The following APC variants were observed in gnomAD, a reference collection of about 807,000 sequenced individuals.
APC encodes the protein APC regulator of Wnt signaling pathway.
APC carries 72 observed loss-of-function variants against 247.0 expected under a neutral mutation model. That is an observed-to-expected ratio of 0.29 (90% CI 0.24 to 0.35). APC has a LOEUF of 0.35. APC is among the 10% of genes least tolerant of loss of function. APC has a pLI of 1.00. For missense variants in APC, 3,400 were observed against 3,360.7 expected, an observed-to-expected ratio of 1.01 and a Z score of -0.29; for synonymous variants, 1,254 against 1,162.5, an observed-to-expected ratio of 1.08 and a Z score of -1.60.
chr5:112,807,440 T>C, intron 8 of APC, among the ~76,000 whole-genome samples: 1 of 152,238 alleles, frequency 6.6e-6, no homozygotes, highest in South Asian at 2.1e-4. Context: ...ACTATACAAC[T>C]TACTCTTGTC....
intron 7 of APC, among the ~76,000 whole-genome samples, chr5:112,796,308 G>C (rs764562295): frequency 1.3e-5 from 2 of 152,152 alleles, no homozygotes; most frequent in Admixed American, 6.5e-5. Context: ...GAGATCGGAG[G>C]GGGTGAGTAT....
In APC at chr5:112,838,934, C is replaced by A. The variant is rs121913331; in HGVS notation, c.3340C>A (p.Arg1114=). 3 of 1,613,990 alleles carry A rather than the reference C, an allele frequency of 1.9e-6. No individual in the cohort carries two copies. Among genetic ancestry groups the A allele is most frequent in the Non-Finnish European group, 2.5e-6 (3 of 1,179,984 alleles). ...SRGANGSETN[R]VGSNHGINQN... ...GGGAGCCAATGGTTCAGAAACAAAT[C>A]GAGTGGGTTCTAATCATGGAATTAA... The change falls in exon 16 of 16, where the codon CGA becomes AGA. Residue 1114 remains arginine, a synonymous_variant. Coordinates refer to ENST00000257430, the MANE Select transcript of APC (RefSeq NM_000038.6).
intron 8 of APC, among the ~76,000 whole-genome samples, chr5:112,809,248 C>T (rs1761735546): frequency 6.6e-6 from 1 of 151,346 alleles, no homozygotes; most frequent in South Asian, 2.1e-4. Flanking sequence ...GTCCCAGCTA[C>T]TTGGGAGGTT....
Position 112,845,747 on chromosome 5 carries a change from A to G in APC, c.*1621A>G, listed in dbSNP as rs779531736. 4.3e-6 allele frequency: 1 copy of G among 231,926 alleles called. No homozygotes were observed. The highest frequency in any genetic ancestry group is 8.5e-6 in the Non-Finnish European group (1 of 117,342). 14.4% of individuals were successfully genotyped at this position (231,926 alleles called of 1,614,324 possible). A position where few individuals can be genotyped will look rare whatever the true frequency, so the allele number is the denominator to read the frequency against. ...AAACTGACACTTATTAACTAAGATA[A>G]TTTACTTAATATATCTTCCCTGATT... On this transcript the variant is annotated 3_prime_UTR_variant, in exon 16 of 16. Coordinates refer to ENST00000257430, the MANE Select transcript of APC (RefSeq NM_000038.6).
At chr5:112,713,784 A>G (rs910266935) in intron 1 of APC, among the ~76,000 whole-genome samples, 4 of 152,120 alleles carry the variant, frequency 2.6e-5, no homozygotes, top group Non-Finnish European at 5.9e-5. Flanking sequence ...CTCCTGCCTC[A>G]GCCTCCCAAG....
At chr5:112,828,218 G>C (rs1207321607) in intron 13 of APC, among the ~76,000 whole-genome samples, 1 of 151,884 alleles carries the variant, frequency 6.6e-6, no homozygotes, top group African/African-American at 2.4e-5. Flanking sequence ...ATTTTTTATA[G>C]AGACGGGGTT....
intron 8 of APC, among the ~76,000 whole-genome samples, chr5:112,809,155 C>T (rs1195281134): frequency 1.3e-5 from 2 of 150,378 alleles, no homozygotes; most frequent in Non-Finnish European, 3.0e-5. Context: ...AGTTTGAGAC[C>T]AGTCTCAGCA....
chr5:112,721,469 G>A (rs1751482381), intron 1 of APC, among the ~76,000 whole-genome samples: 2 of 152,052 alleles, frequency 1.3e-5, no homozygotes, highest in African/African-American at 4.8e-5. Flanking sequence ...TGAGATTTTT[G>A]GTTAAGAATT....
rs367657396 is a variant in APC, at chr5:112,792,161, A to C, written c.646-285A>C. Among the ~76,000 whole-genome samples, 9 of 152,090 alleles carry C rather than the reference A, an allele frequency of 5.9e-5. No individual in the cohort carries two copies. The East Asian group carries it at 1.3e-3, about 23-fold the overall frequency. ...CTCGGGAGCCTGAGGCAAAAGAATC[A>C]CTTGAACCCGGAAGGCGGAGGTTGC... On this transcript the variant is annotated intron_variant, in intron 6 of 15. Coordinates refer to ENST00000257430, the MANE Select transcript of APC (RefSeq NM_000038.6).
Position 112,780,918 on chromosome 5 carries a change from T to C in APC, c.645+15T>C, listed in dbSNP as rs1346066343. On this transcript the variant is annotated intron_variant, in intron 6 of 15. Transcript: ENST00000257430. Reference sequence around the variant, plus strand: ...AACGAGCACAGGTAAGTTACTTGTTTCTAAGTGATAAAACAGCGAAGAGCT... The same window carrying C: ...AACGAGCACAGGTAAGTTACTTGTTCCTAAGTGATAAAACAGCGAAGAGCT... The C allele has an allele frequency of 1.3e-6, 2 of 1,528,408 alleles. No individual in the cohort carries two copies. The highest frequency in any genetic ancestry group is 1.8e-6 in the Non-Finnish European group (2 of 1,104,538). 94.7% of individuals were successfully genotyped at this position (1,528,408 alleles called of 1,614,324 possible).
At chr5:112,807,582 A>G (rs967384925) in intron 8 of APC, among the ~76,000 whole-genome samples, 1 of 151,784 alleles carries the variant, frequency 6.6e-6, no homozygotes, top group Non-Finnish European at 1.5e-5. Flanking sequence ...GAAATTTAGA[A>G]CCAGGTCTCT....
At chr5:112,708,000 T>C in intron 1 of APC, 1 of 1,048,046 alleles carries the variant, frequency 9.5e-7, no homozygotes, top group Non-Finnish European at 1.2e-6. Flanking sequence ...TCTCTCCATG[T>C]CTCACCCTCT....
chr5:112,721,229 C>A (rs1751464816), intron 1 of APC, among the ~76,000 whole-genome samples: 1 of 152,024 alleles, frequency 6.6e-6, no homozygotes, highest in African/African-American at 2.4e-5. Context: ...GCCTGGCCAA[C>A]ATAGTGAAAC....
chr5:112,822,050 G>A (rs1580543231), intron 11 of APC, 59 bp downstream of exon 11: 4 of 1,149,338 alleles, frequency 3.5e-6, no homozygotes, highest in Admixed American at 3.7e-5. Context: ...TTAAATCATG[G>A]TAGAAATTCA....
chr5:112,718,214 T>C (rs17134873), intron 1 of APC, among the ~76,000 whole-genome samples: 4,373 of 152,160 alleles, frequency 0.029, 205 homozygotes, highest in African/African-American at 0.1. Flanking sequence ...ATAATTCCAA[T>C]GTTGGGAAGT....
intron 1 of APC, among the ~76,000 whole-genome samples, chr5:112,710,992 A>G (rs1750816191): frequency 6.6e-6 from 1 of 152,220 alleles, no homozygotes; most frequent in South Asian, 2.1e-4. Context: ...TTTAAAAGTT[A>G]TCTGTGACCT....
At chr5:112,800,458 TC>T (rs1335027005) in intron 7 of APC, among the ~76,000 whole-genome samples, 2 of 152,222 alleles carry the variant, frequency 1.3e-5, no homozygotes, top group African/African-American at 2.4e-5. Flanking sequence ...TTTTAAATGA[TC>T]TAGGAAAGCT....
intron 1 of APC, among the ~76,000 whole-genome samples, chr5:112,740,493 A>G (rs772629460): frequency 2.1e-5 from 3 of 140,378 alleles, no homozygotes; most frequent in Non-Finnish European, 4.7e-5. Flanking sequence ...AATTTAAGCT[A>G]TTGAAGTTTT....
At chr5:112,771,016 T>C (rs1184081171) in intron 4 of APC, among the ~76,000 whole-genome samples, 1 of 152,124 alleles carries the variant, frequency 6.6e-6, no homozygotes, top group African/African-American at 2.4e-5. Flanking sequence ...ATTTAAGTCT[T>C]CATGTTTTTT....
Sources: allele counts gnomAD v4.1 joint callset (sites outside exome capture counted in the v4.1 genomes callset), GRCh38; gene constraint gnomAD v4.1.1; transcripts MANE v1.5; gene names NCBI Gene and HGNC (gene_info 2026-07-23, HGNC 2026-07-21).